Variants in ITGAL observed in about 807,000 individuals in gnomAD.
ITGAL encodes the protein integrin subunit alpha L, also known as integrin alpha-L.
A neutral mutation model predicts 138.4 loss-of-function variants in ITGAL; 68 were observed. The ratio of observed to expected loss-of-function variants is 0.49; its 90% CI spans 0.40 to 0.60. The LOEUF is 0.60. Among genes scored for constraint, ITGAL ranks in the 20% least tolerant of loss-of-function variants. ITGAL has a pLI of 0.00. For synonymous variants in ITGAL, 561 were observed against 584.3 expected (o/e 0.96, Z 0.57); for missense variants, 1,256 against 1,478.6 (o/e 0.85, Z 2.47).
At position 30,474,237 on chromosome 16, in the gene ITGAL, A is replaced by G. The variant is rs765201049; in HGVS notation, c.103A>G (p.Ser35Gly). The part of the protein sequence containing the change: ...SYNLDVRGAR[S>G]FSPPRAGRHF... ...CAACCTGGACGTGCGGGGCGCGCGG[A>G]GCTTCTCCCCACCGCGCGCCGGGAG... Residue 35 changes from serine (S) to glycine (G), a missense_variant, in exon 2 of 31, where the codon AGC (serine) becomes GGC (glycine). Coordinates refer to ENST00000356798, the MANE Select transcript of ITGAL (RefSeq NM_002209.3). 1.9e-6 allele frequency: 3 copies of G among 1,608,766 alleles called. No individual in the cohort carries two copies. Among genetic ancestry groups the G allele is most frequent in the Non-Finnish European group, 2.5e-6 (3 of 1,177,804 alleles).
intron 21 of ITGAL, 66 bp from the exon 22 acceptor site, chr16:30,510,295 C>A: frequency 1.1e-6 from 1 of 901,512 alleles, no homozygotes; most frequent in African/African-American, 1.6e-5. Flanking sequence ...GCCAGGAGGG[C>A]TGGTGGCCTC....
chr16:30,485,350 C>A (rs1279127595), intron 9 of ITGAL, among the ~76,000 whole-genome samples: 1 of 118,804 alleles, frequency 8.4e-6, no homozygotes, highest in African/African-American at 3.2e-5. Context: ...CCTCAGCCTC[C>A]CGAGCAGCTG....
Position 30,489,281 on chromosome 16 carries a change from G to A in ITGAL, c.1108G>A (p.Ala370Thr), listed in dbSNP as rs2050691719. 1.2e-6 allele frequency: 2 copies of A among 1,613,802 alleles called. No individual in the cohort carries two copies. Among genetic ancestry groups the A allele is most frequent in the Admixed American group, 1.7e-5 (1 of 59,984 alleles). The part of the protein sequence containing the change: ...RGHAVVGAVG[A>T]KDWAGGFLDL... ...CCATGCAGTCGTGGGGGCAGTAGGA[G>A]CCAAGGACTGGGCTGGGGGCTTTCT... Residue 370 changes from alanine (A) to threonine (T), a missense_variant, in exon 11 of 31, where the codon GCC becomes ACC. By Grantham distance (58) the Ala-to-Thr change is moderately conservative. Transcript: ENST00000356798.
intron 13 of ITGAL, among the ~76,000 whole-genome samples, 173 bp from the exon 14 acceptor site, chr16:30,495,924 C>T (rs1176014822): frequency 6.6e-6 from 1 of 152,108 alleles, no homozygotes; most frequent in Non-Finnish European, 1.5e-5. Context: ...CACAAGGTCA[C>T]AGTAAGAGGA....
Position 30,474,301 on chromosome 16 carries a change from G to T in ITGAL, c.164+3G>T. The T allele has an allele frequency of 6.3e-7, 1 of 1,595,190 alleles. No individual in the cohort carries two copies. Among genetic ancestry groups the T allele is most frequent in the South Asian group, 1.1e-5 (1 of 88,930 alleles). ...CGCGTCCTGCAGGTCGGAAACGGGT[G>T]AGCTGTGCCCCACAAGTCCTCCTCC... On this transcript the variant is annotated splice_donor_region_variant and intron_variant, in intron 2 of 30. Coordinates refer to ENST00000356798, the MANE Select transcript of ITGAL (RefSeq NM_002209.3).
Position 30,474,218 on chromosome 16 carries a change from G to A in ITGAL, c.84G>A (p.Leu28=). The change falls in exon 2 of 31, where the codon CTG becomes CTA. Residue 28 remains leucine (L), a synonymous_variant. Coordinates refer to ENST00000356798, the MANE Select transcript of ITGAL (RefSeq NM_002209.3). ...CAGCGCCGGCCTCGAGCTACAACCT[G>A]GACGTGCGGGGCGCGCGGAGCTTCT... The part of the protein sequence containing the change: ...FFFAPASSYN[L]DVRGARSFSP... 6.2e-7 allele frequency: 1 copy of A among 1,607,404 alleles called. No homozygotes were observed.
intron 20 of ITGAL, among the ~76,000 whole-genome samples, chr16:30,506,249 G>A (rs2050992606): frequency 9.2e-6 from 1 of 108,842 alleles, no homozygotes; most frequent in Admixed American, 1.2e-4. Context: ...TACAGAGTGA[G>A]ATTCTGTCTC....
intron 24 of ITGAL, among the ~76,000 whole-genome samples, chr16:30,512,944 A>G (rs186433452): frequency 1.3e-5 from 2 of 152,246 alleles, no homozygotes; most frequent in Non-Finnish European, 2.9e-5. Context: ...CAGGTGATCT[A>G]CCTGCCTCAG....
At position 30,500,863 on chromosome 16, in the gene ITGAL, G is replaced by A. The variant is rs115866974; in HGVS notation, c.2145+1374G>A. Among the ~76,000 whole-genome samples the A allele has an allele frequency of 3.5e-3, 529 of 152,252 alleles. 2 individuals are homozygous for A. The highest frequency in any genetic ancestry group is 0.012 in the African/African-American group (478 of 41,546). Reference sequence around the variant, plus strand: ...CTACTAAAAATACAAAATTAGCTGCGTGTGTTGGCACATGCCTGTGATCCC... The same window carrying A: ...CTACTAAAAATACAAAATTAGCTGCATGTGTTGGCACATGCCTGTGATCCC... On this transcript the variant is annotated intron_variant, in intron 17 of 30. Transcript: ENST00000356798.
At chr16:30,481,625 G>C in intron 7 of ITGAL, 41 bp downstream of exon 7, 1 of 1,603,786 alleles carries the variant, frequency 6.2e-7, no homozygotes, top group Non-Finnish European at 8.5e-7. Context: ...CCTGTGATTT[G>C]TTCTGGGTGA....
Position 30,518,650 on chromosome 16 carries a change from C to T in ITGAL, c.3159C>T (p.Ser1053=). 2 of 1,613,922 alleles carry T rather than the reference C, an allele frequency of 1.2e-6. No homozygotes were observed. Among genetic ancestry groups the T allele is most frequent in the Middle Eastern group, 1.6e-4 (1 of 6,062 alleles). The change falls in exon 29 of 31, where the codon AGC becomes AGT. Residue 1053 remains serine, a synonymous_variant. Coordinates refer to ENST00000356798, the MANE Select transcript of ITGAL (RefSeq NM_002209.3). The part of the protein sequence containing the change: ...IEASSMFSLC[S]SLSISFNSSK... ...CCTCTTCCATGTTCAGCCTCTGCAG[C>T]TCCCTCTCCATCTCCTTCAACAGCA...
chr16:30,499,733 A>ATACATATATATATATATATATTTTTTTT, intron 17 of ITGAL, among the ~76,000 whole-genome samples: 1 of 88,388 alleles, frequency 1.1e-5, no homozygotes, highest in African/African-American at 6.0e-5. Context: ...ATATATATAT[A>ATACATATATATATATATATATTTTTTTT]TTTTTTTTTT....
At position 30,504,156 on chromosome 16, in the gene ITGAL, G is replaced by A. The variant is rs1443857203; in HGVS notation, c.2146-19G>A. 6.4e-6 allele frequency: 10 copies of A among 1,572,290 alleles called. No homozygotes were observed. The highest frequency in any genetic ancestry group is 5.0e-5 in the Admixed American group (3 of 59,884). On this transcript the variant is annotated intron_variant, in intron 17 of 30. Coordinates refer to ENST00000356798, the MANE Select transcript of ITGAL (RefSeq NM_002209.3). ...AAAAGTTAGATTCATGACATAGGCT[G>A]TATTCTTATCACCCTCAGGTATGTG...
rs776804144 is a variant in ITGAL at position 30,472,873 on chromosome 16, G to A, written c.36G>A (p.Ala12=). 1.4e-5 allele frequency: 23 copies of A among 1,612,926 alleles called. No homozygotes were observed. Among genetic ancestry groups the A allele is most frequent in the South Asian group, 3.3e-5 (3 of 90,604 alleles). The part of the protein sequence containing the change: ...KDSCITVMAM[A]LLSGFFFFAP... ...CCTGCATCACTGTGATGGCCATGGC[G>A]CTGCTGTCTGGGTTCTTTTTCTTCG... The change falls in exon 1 of 31, where the codon GCG becomes GCA. Residue 12 remains alanine (A), a synonymous_variant. Transcript: ENST00000356798.
At chr16:30,483,751 TTGA>T (rs2050592007) in intron 7 of ITGAL, 73 bp from the exon 8 acceptor site, 2 of 1,483,322 alleles carry the variant, frequency 1.3e-6, no homozygotes, top group South Asian at 2.5e-5. Flanking sequence ...TGGAGGTGAC[TTGA>T]TGAGCAGGTG....
intron 4 of ITGAL, among the ~76,000 whole-genome samples, chr16:30,478,159 C>T (rs138674179): frequency 0.026 from 3,891 of 149,748 alleles, 94 homozygotes; most frequent in Non-Finnish European, 0.041. Context: ...TATGGTGAAA[C>T]CCCGTCTCTA....
chr16:30,473,122 G>T (rs1455790528), intron 1 of ITGAL, among the ~76,000 whole-genome samples: 1 of 152,082 alleles, frequency 6.6e-6, no homozygotes, highest in African/African-American at 2.4e-5. Context: ...ATAAGAAGGG[G>T]CAGTGGGTTC....
Position 30,513,838 on chromosome 16 carries a change from A to G in ITGAL, c.2854A>G (p.Met952Val). The G allele has an allele frequency of 3.1e-6, 5 of 1,608,964 alleles. No homozygotes were observed. Among genetic ancestry groups the G allele is most frequent in the Non-Finnish European group, 4.3e-6 (5 of 1,175,312 alleles). The part of the protein sequence containing the change: ...KGPKIHQVKH[M>V]YQVRIQPSIH... ...CCCCAAGATCCACCAAGTCAAGCAC[A>G]TGTACCAGGTATGAATCCCAATGTG... is the stretch of plus-strand genomic sequence containing the variant. The change falls in exon 25 of 31, where the codon ATG (methionine) becomes GTG (valine). Residue 952 changes from methionine to valine, a missense_variant. Met to Val is a conservative substitution (Grantham distance 21). Transcript: ENST00000356798.
In ITGAL at chr16:30,494,855, G is replaced by T; in HGVS notation, c.1503+5G>T. 1 of 1,586,376 alleles carries T rather than the reference G, an allele frequency of 6.3e-7. No individual in the cohort carries two copies. Among genetic ancestry groups the T allele is most frequent in the Non-Finnish European group, 8.6e-7 (1 of 1,161,272 alleles). On this transcript the variant is annotated splice_donor_5th_base_variant and intron_variant, in intron 13 of 30. Coordinates refer to ENST00000356798, the MANE Select transcript of ITGAL (RefSeq NM_002209.3). This position sits in a 1 kb window ranked among gnomAD's most constrained non-coding sequence, Gnocchi z 4.2. Reference sequence around the variant, plus strand: ...TTTATCTACCAGAGAAGACAGGTGGGGCCAGGATCTGGAGCTGAGAGGGAG... The same window carrying T: ...TTTATCTACCAGAGAAGACAGGTGGTGCCAGGATCTGGAGCTGAGAGGGAG...
Sources: allele counts gnomAD v4.1 joint callset (sites outside exome capture counted in the v4.1 genomes callset), GRCh38; gene constraint gnomAD v4.1.1; non-coding constraint Gnocchi (gnomAD v3.1); transcripts MANE v1.5; gene names NCBI Gene and HGNC (gene_info 2026-07-23, HGNC 2026-07-21).